Variants in THSD1 observed in about 807,000 individuals in gnomAD.
THSD1 encodes the protein thrombospondin type-1 domain-containing protein 1.
A neutral mutation model predicts 46.3 loss-of-function variants in THSD1; 34 were observed. That is an observed-to-expected ratio of 0.74 (90% CI 0.56 to 0.98). The LOEUF is 0.98. THSD1 is among the 50% of genes least tolerant of loss of function. The pLI is 0.00. For missense variants in THSD1, 1,023 were observed against 1,058.3 expected (o/e 0.97, Z 0.46); for synonymous variants, 407 against 416.5 (o/e 0.98, Z 0.28).
chr13:52,397,188 A>G, intron 3 of THSD1, 44 bp downstream of exon 3: 2 of 1,465,732 alleles, frequency 1.4e-6, no homozygotes, highest in Non-Finnish European at 9.2e-7. Context: ...TTTTGATTAC[A>G]TGAAGGATTT....
At chr13:52,393,300 A>G (rs1041096529) in intron 3 of THSD1, among the ~76,000 whole-genome samples, 29 of 152,252 alleles carry the variant, frequency 1.9e-4, no homozygotes, top group African/African-American at 6.8e-4. Flanking sequence ...CAAAGTAATC[A>G]CTGTGTAAAT....
At chr13:52,391,244 T>A (rs1957771069) in intron 3 of THSD1, among the ~76,000 whole-genome samples, 1 of 151,746 alleles carries the variant, frequency 6.6e-6, no homozygotes, top group South Asian at 2.1e-4. Context: ...TGAGACAATG[T>A]CTCACTCTGC....
intron 1 of THSD1, among the ~76,000 whole-genome samples, chr13:52,404,181 C>G (rs914305684): frequency 6.6e-6 from 1 of 152,010 alleles, no homozygotes; most frequent in Non-Finnish European, 1.5e-5. Flanking sequence ...TGTCTGGCCT[C>G]GTGATCTGCC....
In THSD1 at chr13:52,377,188, A is replaced by G; in HGVS notation, c.*223T>C. On this transcript the variant is annotated 3_prime_UTR_variant, in exon 5 of 5. Coordinates refer to ENST00000258613, the MANE Select transcript of THSD1 (RefSeq NM_018676.4). ...CCCATTTGCTCATTTACATTTTATT[A>G]TCATTGTTATTACTAATAAATCAAT... 2 of 1,273,136 alleles carry G rather than the reference A, an allele frequency of 1.6e-6. No individual in the cohort carries two copies. Among genetic ancestry groups the G allele is most frequent in the Non-Finnish European group, 2.0e-6 (2 of 1,007,564 alleles). 78.9% of individuals were successfully genotyped at this position (1,273,136 alleles called of 1,614,324 possible). A position where few individuals can be genotyped will look rare whatever the true frequency, so the allele number is the denominator to read the frequency against.
intron 3 of THSD1, among the ~76,000 whole-genome samples, chr13:52,396,611 C>G (rs896129462): frequency 1.4e-4 from 22 of 152,076 alleles, no homozygotes; most frequent in Non-Finnish European, 2.9e-4. Flanking sequence ...AGACTTTCCC[C>G]CAAGAAAAGG....
rs1474756877 is a variant in THSD1, at chr13:52,398,191, AGAACTGAAATGAAGTGG to A, written c.59-14_61del. The stretch of plus-strand genomic sequence containing the variant: ...CAAGAGAAGATATTCAGCTTCTCCA[AGAACTGAAATGAAGTGG>A]TCAGAATTGGTTTTTAAAAGGTGCA... On this transcript the variant is annotated splice_acceptor_variant and splice_polypyrimidine_tract_variant and coding_sequence_variant and intron_variant, in exon 3 of 5. Transcript: ENST00000258613. LOFTEE classifies it high-confidence loss of function. The A allele has an allele frequency of 1.9e-6, 3 of 1,611,034 alleles. No homozygotes were observed. The highest frequency in any genetic ancestry group is 2.5e-6 in the Non-Finnish European group (3 of 1,177,962).
intron 4 of THSD1, among the ~76,000 whole-genome samples, chr13:52,383,889 G>C (rs1957710366): frequency 6.6e-6 from 1 of 152,178 alleles, no homozygotes; most frequent in South Asian, 2.1e-4. Context: ...CAAATTTCCA[G>C]TTCCTACTCA....
chr13:52,380,805 C>T (rs777621445), intron 4 of THSD1, among the ~76,000 whole-genome samples: 2 of 152,024 alleles, frequency 1.3e-5, no homozygotes, highest in African/African-American at 4.8e-5. Context: ...CCAACCTGTG[C>T]TCTTTCACCT....
At chr13:52,403,129 G>A (rs369166567) in intron 1 of THSD1, among the ~76,000 whole-genome samples, 2 of 152,086 alleles carry the variant, frequency 1.3e-5, no homozygotes, top group South Asian at 2.1e-4. Flanking sequence ...CCTGCCTGGC[G>A]TCCACAAATG....
At chr13:52,379,148 C>T (rs1159330803) in intron 4 of THSD1, among the ~76,000 whole-genome samples, 2 of 152,132 alleles carry the variant, frequency 1.3e-5, no homozygotes, top group African/African-American at 4.8e-5. Context: ...AGGTGTTAGC[C>T]ACTGTGCCCA....
At chr13:52,393,726 A>T (rs1290506506) in intron 3 of THSD1, among the ~76,000 whole-genome samples, 4 of 152,234 alleles carry the variant, frequency 2.6e-5, no homozygotes, top group Admixed American at 2.6e-4. Flanking sequence ...TAATAAATTC[A>T]GTGTGAGTCA....
At chr13:52,393,175 C>T (rs1957785619) in intron 3 of THSD1, among the ~76,000 whole-genome samples, 1 of 152,042 alleles carries the variant, frequency 6.6e-6, no homozygotes, top group Admixed American at 6.6e-5. Context: ...CCTTTCTGTG[C>T]CTCCATTTCA....
rs148206819 is a variant in THSD1 at position 52,378,140 on chromosome 13, A to G, written c.1830T>C (p.Asn610=). 748 of 1,613,988 alleles carry G rather than the reference A, an allele frequency of 4.6e-4. 1 individual carries two copies. The highest frequency in any genetic ancestry group is 6.2e-4 in the Non-Finnish European group (726 of 1,180,020). ...GERPPSRLDL[N]VTQASCAISP... is the part of the protein sequence containing the mutation. ...TTATGGCACAACTGGCCTGAGTCACATTTAGATCCAGCCTGGAGGGAGGCC... is the reference window on the plus strand; with the variant it reads ...TTATGGCACAACTGGCCTGAGTCACGTTTAGATCCAGCCTGGAGGGAGGCC... Residue 610 remains asparagine, a synonymous_variant, in exon 5 of 5, where the codon AAT becomes AAC. Transcript: ENST00000258613.
In THSD1 at chr13:52,378,188, C is replaced by A; in HGVS notation, c.1782G>T (p.Gln594His). ...KFRIKSPFPE[Q>H]PAVSAGERPP... ...GCCTTTCCCCGGCACTGACCGCGGG[C>A]TGCTCCGGAAATGGGGATTTGATCC... is the stretch of plus-strand genomic sequence containing the variant. The change falls in exon 5 of 5, where the codon CAG becomes CAT. Residue 594 changes from glutamine (Q) to histidine (H), a missense_variant. By Grantham distance (24) the Gln-to-His change is conservative. Coordinates refer to ENST00000258613, the MANE Select transcript of THSD1 (RefSeq NM_018676.4). 1 of 1,614,224 alleles carries A rather than the reference C, an allele frequency of 6.2e-7. No homozygotes were observed. The highest frequency in any genetic ancestry group is 8.5e-7 in the Non-Finnish European group (1 of 1,180,050).
intron 4 of THSD1, among the ~76,000 whole-genome samples, chr13:52,384,618 C>A (rs1026071141): frequency 6.6e-6 from 1 of 152,092 alleles, no homozygotes; most frequent in South Asian, 2.1e-4. Flanking sequence ...ATGGTAATAA[C>A]AATAAATAAA....
Position 52,397,909 on chromosome 13 carries a change from G to T in THSD1, c.344C>A (p.Pro115His). Residue 115 changes from proline (P) to histidine (H), a missense_variant, in exon 3 of 5, where the codon CCC becomes CAC. Pro to His is a moderately conservative substitution (Grantham distance 77). Around this residue, in one of 3 missense-constraint regions of THSD1, gnomAD observed 429 missense variants for 518.3 expected, o/e 0.83. Coordinates refer to ENST00000258613, the MANE Select transcript of THSD1 (RefSeq NM_018676.4). ...CAGAAAGGCACTTTTCTCCCACCAG[G>T]GGAATGGAGTGCTGTTGTCTGTTGC... ...PEATDNSTPF[P>H]WWEKSAFLKV... 6.2e-7 allele frequency: 1 copy of T among 1,614,218 alleles called. No homozygotes were observed.
intron 3 of THSD1, among the ~76,000 whole-genome samples, chr13:52,388,542 G>A (rs775502675): frequency 7.2e-5 from 11 of 152,164 alleles, no homozygotes; most frequent in South Asian, 2.1e-4. Context: ...GCAATGGTGC[G>A]ATCTCAGCTC....
intron 3 of THSD1, among the ~76,000 whole-genome samples, chr13:52,392,444 A>G (rs1594101252): frequency 6.6e-6 from 1 of 152,210 alleles, no homozygotes; most frequent in Non-Finnish European, 1.5e-5. Flanking sequence ...ATGGGAACTC[A>G]TTAGATAACT....
Position 52,377,979 on chromosome 13 carries a change from G to C in THSD1, c.1991C>G (p.Pro664Arg). Reference protein sequence around the residue: ...ASFHEARQARPFRERSMSTLT... With the variant: ...ASFHEARQARRFRERSMSTLT... ...AGTGGACATGCTCCTCTCTCGGAAC[G>C]GCCGGGCCTGCCTGGCTTCATGGAA... Residue 664 changes from proline to arginine, a missense_variant, in exon 5 of 5, where the codon CCG becomes CGG. Coordinates refer to ENST00000258613, the MANE Select transcript of THSD1 (RefSeq NM_018676.4). The C allele has an allele frequency of 6.2e-7, 1 of 1,614,156 alleles. No homozygotes were observed. Among genetic ancestry groups the C allele is most frequent in the African/African-American group, 1.3e-5 (1 of 75,058 alleles).
Sources: allele counts gnomAD v4.1 joint callset (sites outside exome capture counted in the v4.1 genomes callset), GRCh38; gene constraint gnomAD v4.1.1; regional missense constraint gnomAD v4.1.1; transcripts MANE v1.5; gene names NCBI Gene and HGNC (gene_info 2026-07-23, HGNC 2026-07-21).